RORA: variants seen among roughly 807,000 people sequenced by gnomAD.
The protein encoded by RORA is RAR related orphan receptor A.
A neutral mutation model predicts 69.5 loss-of-function variants in RORA; 7 were observed. The ratio of observed to expected loss-of-function variants is 0.10; its 90% CI spans 0.06 to 0.19. The LOEUF is 0.19. RORA is among the 10% of genes least tolerant of loss of function. The pLI is 1.00. For missense variants in RORA, 457 were observed against 663.0 expected (o/e 0.69, Z 3.41); for synonymous variants, 261 against 240.8 (o/e 1.08, Z -0.78).
chr15:60,614,936 A>T (rs750331659), intron 2 of RORA: 1 of 1,614,046 alleles, frequency 6.2e-7, no homozygotes, highest in African/African-American at 1.3e-5. Context: ...AACTCCCTTA[A>T]ATTAATAAAG....
chr15:60,961,964 G>A (rs951421447), intron 1 of RORA, among the ~76,000 whole-genome samples: 2 of 152,200 alleles, frequency 1.3e-5, no homozygotes, highest in Non-Finnish European at 2.9e-5. Flanking sequence ...GTTTGTATTT[G>A]TTTGGCCCAG....
chr15:60,589,487 C>T (rs2068435831), intron 2 of RORA, among the ~76,000 whole-genome samples: 1 of 152,204 alleles, frequency 6.6e-6, no homozygotes, highest in African/African-American at 2.4e-5. Flanking sequence ...TACTCCGCTG[C>T]CGCGTGACAT....
intron 1 of RORA, among the ~76,000 whole-genome samples, chr15:61,130,891 A>G (rs190554759): frequency 6.6e-6 from 1 of 152,370 alleles, no homozygotes; most frequent in East Asian, 1.9e-4. Flanking sequence ...AGAGAAGGTG[A>G]GCATCTATCT....
chr15:60,745,002 C>T (rs556934076), intron 1 of RORA, among the ~76,000 whole-genome samples: 6 of 152,326 alleles, frequency 3.9e-5, no homozygotes, highest in East Asian at 1.9e-4. Context: ...CTGGCCACCG[C>T]GCCCTGTGCT....
intron 1 of RORA, among the ~76,000 whole-genome samples, chr15:60,929,109 G>A (rs1892299771): frequency 6.6e-6 from 1 of 152,092 alleles, no homozygotes; most frequent in Non-Finnish European, 1.5e-5. Context: ...GGGTCTACAA[G>A]GCCCCTTTTT....
chr15:60,554,640 C>T (rs2067309349), intron 2 of RORA, among the ~76,000 whole-genome samples: 2 of 152,164 alleles, frequency 1.3e-5, no homozygotes, highest in Admixed American at 1.3e-4. Flanking sequence ...ACAAAAAACA[C>T]ATTATCCTAG....
chr15:60,641,040 C>A (rs1424365978), intron 2 of RORA, among the ~76,000 whole-genome samples: 1 of 152,140 alleles, frequency 6.6e-6, no homozygotes, highest in Non-Finnish European at 1.5e-5. Context: ...GTAGCCTTGA[C>A]CTCCTGGGCT....
intron 1 of RORA, among the ~76,000 whole-genome samples, chr15:60,812,786 G>C (rs2072761541): frequency 6.6e-6 from 1 of 152,216 alleles, no homozygotes; most frequent in Non-Finnish European, 1.5e-5. Flanking sequence ...AATACAGAAA[G>C]TCAGGTTGAA....
intron 1 of RORA, among the ~76,000 whole-genome samples, chr15:60,938,458 T>G (rs7342684): frequency 0.16 from 23,633 of 152,256 alleles, 1,953 homozygotes; most frequent in Admixed American, 0.2. Flanking sequence ...TAGTTGCCAC[T>G]GTAGATGATC....
intron 1 of RORA, among the ~76,000 whole-genome samples, chr15:60,850,525 C>A (rs1246728888): frequency 2.0e-5 from 3 of 152,280 alleles, no homozygotes; most frequent in African/African-American, 7.2e-5. Flanking sequence ...TGATATCCTC[C>A]TGAGAGGGTT....
At chr15:61,179,386 A>T (rs1328642205) in intron 1 of RORA, among the ~76,000 whole-genome samples, 1 of 152,252 alleles carries the variant, frequency 6.6e-6, no homozygotes, top group East Asian at 1.9e-4. Context: ...TAAAAGAGAT[A>T]CGCAAAAATA....
intron 2 of RORA, among the ~76,000 whole-genome samples, chr15:60,585,955 C>A (rs2068322777): frequency 6.6e-6 from 1 of 152,136 alleles, no homozygotes; most frequent in Non-Finnish European, 1.5e-5. Context: ...TGGGTTTAGC[C>A]GTCCATGTGC....
intron 1 of RORA, among the ~76,000 whole-genome samples, chr15:60,768,006 G>T (rs1289514637): frequency 6.6e-6 from 1 of 152,228 alleles, no homozygotes; most frequent in Non-Finnish European, 1.5e-5. Flanking sequence ...ACTCCATGCA[G>T]GGTGGCCTAT....
intron 1 of RORA, among the ~76,000 whole-genome samples, chr15:61,132,372 GC>G (rs1322139848): frequency 1.3e-5 from 2 of 152,100 alleles, no homozygotes; most frequent in East Asian, 3.9e-4. Context: ...GTGTCTTACA[GC>G]TCGATTGTTC....
intron 2 of RORA, among the ~76,000 whole-genome samples, chr15:60,556,577 A>G (rs2067366037): frequency 1.3e-5 from 2 of 152,068 alleles, no homozygotes; most frequent in African/African-American, 4.8e-5. Flanking sequence ...TCTCGTGTTC[A>G]CTCTGCAGGT....
intron 1 of RORA, among the ~76,000 whole-genome samples, chr15:60,994,808 C>T (rs896223901): frequency 1.4e-4 from 21 of 152,238 alleles, no homozygotes; most frequent in African/African-American, 4.3e-4. Context: ...ATTGTAACCA[C>T]AGGCCTGAAT....
At chr15:61,204,551 G>A (rs2079922596) in intron 1 of RORA, among the ~76,000 whole-genome samples, 1 of 152,186 alleles carries the variant, frequency 6.6e-6, no homozygotes, top group African/African-American at 2.4e-5. Flanking sequence ...GCTGGACAGG[G>A]GACACCTGAG....
At chr15:61,192,402 G>A (rs971909694) in intron 1 of RORA, among the ~76,000 whole-genome samples, 1 of 152,192 alleles carries the variant, frequency 6.6e-6, no homozygotes, top group Non-Finnish European at 1.5e-5. Flanking sequence ...TATACAATCA[G>A]TAAAAGATGA....
intron 1 of RORA, among the ~76,000 whole-genome samples, chr15:60,773,901 A>G (rs1248931727): frequency 2.0e-5 from 3 of 152,258 alleles, no homozygotes; most frequent in Non-Finnish European, 4.4e-5. Flanking sequence ...TGTGCTTCAC[A>G]TTTATGTAAT....
Sources: gnomAD v4.1 joint callset for allele counts (sites outside exome capture counted in the v4.1 genomes callset) on GRCh38, gnomAD v4.1.1 for gene constraint, MANE v1.5 for transcripts, NCBI Gene and HGNC (gene_info 2026-07-23, HGNC 2026-07-21) for gene names.